The following ALG12 variants were observed in gnomAD, a reference collection of about 807,000 sequenced individuals.
The protein encoded by ALG12 is ALG12 alpha-1,6-mannosyltransferase, also known as dol-P-Man:Man(7)GlcNAc(2)-PP-Dol alpha-1,6-mannosyltransferase.
ALG12 carries 36 observed loss-of-function variants against 46.0 expected under a neutral mutation model. The ratio of observed to expected loss-of-function variants is 0.78; its 90% CI spans 0.60 to 1.03. The LOEUF (loss-of-function observed/expected upper bound fraction) is 1.03. ALG12 is among the 50% of genes least tolerant of loss of function. The pLI is 0.00. For missense variants in ALG12, 599 were observed against 633.5 expected (o/e 0.95, Z 0.58); for synonymous variants, 326 against 291.6 (o/e 1.12, Z -1.20).
chr22:49,893,426 G>A, the ALG12 span, among the ~76,000 whole-genome samples: 1 of 152,180 alleles, frequency 6.6e-6, no homozygotes, highest in Non-Finnish European at 1.5e-5. Flanking sequence ...AGGGAGGAGA[G>A]ACACTTTTAC....
intron 1 of ALG12, 40 bp from the exon 2 acceptor site, chr22:49,913,883 C>G: frequency 1.5e-6 from 2 of 1,373,306 alleles, no homozygotes; most frequent in Non-Finnish European, 1.0e-6. Flanking sequence ...TCGAAAGTCA[C>G]GCTTGCGCTC....
chr22:49,914,170 G>T (rs912766374), intron 1 of ALG12, among the ~76,000 whole-genome samples: 2 of 152,190 alleles, frequency 1.3e-5, no homozygotes, highest in Admixed American at 6.5e-5. Context: ...TCTAAATCTG[G>T]CAGGAGAGTC....
chr22:49,912,965 T>G (rs1047686545), intron 3 of ALG12, among the ~76,000 whole-genome samples: 1 of 152,132 alleles, frequency 6.6e-6, no homozygotes, highest in African/African-American at 2.4e-5. Flanking sequence ...AGACCCAGGA[T>G]TTGCACACAG....
the ALG12 span, among the ~76,000 whole-genome samples, chr22:49,893,173 C>G: frequency 2.6e-5 from 4 of 152,176 alleles, no homozygotes; most frequent in Non-Finnish European, 4.4e-5. Context: ...GCCTGAGAGA[C>G]ACAGCGCAAG....
Position 49,910,549 on chromosome 22 carries a change from C to G in ALG12, c.354G>C (p.Val118=). 6.2e-7 allele frequency: 1 copy of G among 1,614,146 alleles called. No individual in the cohort carries two copies. Among genetic ancestry groups the G allele is most frequent in the Non-Finnish European group, 8.5e-7 (1 of 1,180,028 alleles). Residue 118 remains valine (V), a synonymous_variant, in exon 4 of 10, where the codon GTG becomes GTC. Transcript: ENST00000330817. ...IFGLWTLQKE[V]RRHFGAMVAT... ...CCACCATGGCCCCGAAGTGCCGTCTCACTTCCTTTTGTAACGTCCAGAGTC... is the reference window on the plus strand; with the variant it reads ...CCACCATGGCCCCGAAGTGCCGTCTGACTTCCTTTTGTAACGTCCAGAGTC...
chr22:49,876,026 G>A, the ALG12 span, among the ~76,000 whole-genome samples: 2 of 147,308 alleles, frequency 1.4e-5, no homozygotes, highest in Admixed American at 6.7e-5. Flanking sequence ...CTTTACTTTT[G>A]TGTGTTTTTT....
the ALG12 span, among the ~76,000 whole-genome samples, chr22:49,873,908 G>A: frequency 1.3e-5 from 2 of 152,236 alleles, no homozygotes; most frequent in South Asian, 4.1e-4. Context: ...CATAAGGGCT[G>A]GGGAATGGGG....
the ALG12 span, chr22:49,888,905 C>T: frequency 1.7e-4 from 29 of 167,200 alleles, no homozygotes; most frequent in African/African-American, 9.7e-5. Context: ...GAAAGGGTTG[C>T]GCACAGGATA....
chr22:49,916,896 C>G (rs1182427093), intron 1 of ALG12, among the ~76,000 whole-genome samples: 1 of 152,268 alleles, frequency 6.6e-6, no homozygotes, highest in Admixed American at 6.5e-5. Flanking sequence ...CCACACCTCT[C>G]CACCCAGGGG....
At chr22:49,908,980 C>CAT (rs1569175486) in intron 6 of ALG12, among the ~76,000 whole-genome samples, 1 of 151,124 alleles carries the variant, frequency 6.6e-6, no homozygotes, top group African/African-American at 2.4e-5. Context: ...GCAGATTGTC[C>CAT]GAGGAGCAGA....
chr22:49,914,894 A>G (rs532897946), intron 1 of ALG12, among the ~76,000 whole-genome samples: 2 of 152,290 alleles, frequency 1.3e-5, no homozygotes, highest in South Asian at 4.1e-4. Flanking sequence ...CACTCAGCTA[A>G]GTTTTCTTAT....
At chr22:49,883,873 C>G in the ALG12 span, 1 of 1,606,274 alleles carries the variant, frequency 6.2e-7, no homozygotes, top group South Asian at 1.1e-5. Context: ...CTGCAAGCCC[C>G]CGGGGAAGTA....
chr22:49,876,496 G>T, the ALG12 span, among the ~76,000 whole-genome samples: 1 of 152,048 alleles, frequency 6.6e-6, no homozygotes, highest in African/African-American at 2.4e-5. Context: ...TGGATGAATT[G>T]ACCCCCTTAT....
chr22:49,885,132 T>G, the ALG12 span: 1 of 1,611,110 alleles, frequency 6.2e-7, no homozygotes, highest in Admixed American at 1.7e-5. Flanking sequence ...GGAAGAAGGG[T>G]GATGTGGGCA....
chr22:49,909,221 C>T (rs753000653), intron 6 of ALG12, 23 bp downstream of exon 6: 1 of 1,612,592 alleles, frequency 6.2e-7, no homozygotes, highest in Non-Finnish European at 8.5e-7. Context: ...CCATCGCCCT[C>T]CTGCACGGAC....
At chr22:49,876,203 G>A in the ALG12 span, among the ~76,000 whole-genome samples, 3 of 152,178 alleles carry the variant, frequency 2.0e-5, no homozygotes, top group Admixed American at 6.5e-5. Flanking sequence ...CCAGAGAAGA[G>A]TCTGTCTTGG....
chr22:49,884,413 C>T, the ALG12 span: 3 of 1,613,794 alleles, frequency 1.9e-6, no homozygotes, highest in Non-Finnish European at 1.7e-6. Context: ...AGAAGAAGCC[C>T]TGGTGGGGTC....
the ALG12 span, among the ~76,000 whole-genome samples, chr22:49,863,551 G>A: frequency 6.6e-5 from 10 of 152,040 alleles, no homozygotes; most frequent in East Asian, 1.7e-3. Flanking sequence ...TGCTTGAACC[G>A]GGGAGGCGGA....
intron 3 of ALG12, among the ~76,000 whole-genome samples, chr22:49,912,415 C>T (rs548014171): frequency 2.6e-4 from 40 of 152,324 alleles, no homozygotes; most frequent in African/African-American, 8.7e-4. Context: ...GACTCAGCCC[C>T]GGAATTGCCT....
Sources: gnomAD v4.1 joint callset for allele counts (sites outside exome capture counted in the v4.1 genomes callset) on GRCh38, gnomAD v4.1.1 for gene constraint, MANE v1.5 for transcripts, NCBI Gene and HGNC (gene_info 2026-07-23, HGNC 2026-07-21) for gene names.